The following LMX1A variants were observed in gnomAD, a reference collection of about 807,000 sequenced individuals.
LMX1A encodes LIM homeobox transcription factor 1 alpha.
In LMX1A, 15 loss-of-function variants were observed where a neutral mutation model predicts 49.1. That is an observed-to-expected ratio of 0.31 (90% CI 0.20 to 0.47). The LOEUF (loss-of-function observed/expected upper bound fraction) is 0.47. Ranked by LOEUF, LMX1A falls within the 20% of genes least tolerant of loss-of-function variation. The pLI, the probability that LMX1A is intolerant of heterozygous loss-of-function variation, is 1.00. For missense variants in LMX1A, 372 were observed against 475.8 expected, an observed-to-expected ratio of 0.78 and a Z score of 2.03; for synonymous variants, 167 against 185.7, an observed-to-expected ratio of 0.90 and a Z score of 0.82.
intron 3 of LMX1A, among the ~76,000 whole-genome samples, chr1:165,292,439 T>C (rs927689466): frequency 6.6e-6 from 1 of 151,922 alleles, no homozygotes; most frequent in Non-Finnish European, 1.5e-5. Context: ...CAAAAGGCAG[T>C]GAGGGAAAGA....
chr1:165,252,543 A>G (rs377602647), intron 3 of LMX1A, among the ~76,000 whole-genome samples: 17 of 152,246 alleles, frequency 1.1e-4, no homozygotes, highest in East Asian at 1.9e-4. Context: ...ACTATTTCCA[A>G]AATAAAGAGG....
At chr1:165,317,243 T>C (rs1340536992) in intron 3 of LMX1A, among the ~76,000 whole-genome samples, 4 of 150,620 alleles carry the variant, frequency 2.7e-5, no homozygotes, top group Non-Finnish European at 5.9e-5. Context: ...TTTAAGCCCA[T>C]AGAAATGCAA....
At chr1:165,296,634 T>C (rs1045375098) in intron 3 of LMX1A, among the ~76,000 whole-genome samples, 7 of 152,246 alleles carry the variant, frequency 4.6e-5, no homozygotes, top group Admixed American at 6.5e-5. Flanking sequence ...AAACGGCAGA[T>C]GTCTGGGCCC....
At chr1:165,290,737 C>G (rs973809480) in intron 3 of LMX1A, among the ~76,000 whole-genome samples, 1 of 152,190 alleles carries the variant, frequency 6.6e-6, no homozygotes, top group African/African-American at 2.4e-5. Flanking sequence ...CAGATTTGGA[C>G]AAGACATTAG....
At chr1:165,351,433 A>C (rs1656423603) in intron 3 of LMX1A, among the ~76,000 whole-genome samples, 1 of 152,242 alleles carries the variant, frequency 6.6e-6, no homozygotes, top group South Asian at 2.1e-4. Flanking sequence ...TAAAAATTAC[A>C]CTTTTCACTC....
At chr1:165,285,105 T>C (rs1445123603) in intron 3 of LMX1A, among the ~76,000 whole-genome samples, 1 of 152,214 alleles carries the variant, frequency 6.6e-6, no homozygotes, top group Non-Finnish European at 1.5e-5. Context: ...GTTTCCCTGG[T>C]TTTAAATATT....
intron 4 of LMX1A, among the ~76,000 whole-genome samples, chr1:165,219,358 G>A (rs1318168754): frequency 6.6e-6 from 1 of 152,166 alleles, no homozygotes; most frequent in African/African-American, 2.4e-5. Context: ...AGGCAGGAAT[G>A]GGCCTCAGAT....
rs58236767 is a variant in LMX1A, at chr1:165,217,704, G to A, written c.497-3891C>T. Among the ~76,000 whole-genome samples the A allele has an allele frequency of 9.2e-3, 1,405 of 152,190 alleles. 13 individuals carry two copies. The highest frequency in any genetic ancestry group is 0.031 in the African/African-American group (1,288 of 41,502). ...GTTTCACAGCCCTTGAATACTGTCC[G>A]CATTTGGTTGAAAAAAATCCACATA... On this transcript the variant is annotated intron_variant, in intron 4 of 8. Transcript: ENST00000342310.
intron 7 of LMX1A, chr1:165,207,381 A>C (rs1571144329): frequency 6.6e-6 from 1 of 151,686 alleles, no homozygotes; most frequent in Admixed American, 6.6e-5. Flanking sequence ...CCTAATCCTC[A>C]TATCACCCTG....
chr1:165,217,258 G>A (rs1053093069), intron 4 of LMX1A, among the ~76,000 whole-genome samples: 13 of 152,158 alleles, frequency 8.5e-5, no homozygotes, highest in Non-Finnish European at 1.5e-5. Context: ...TCTGAAGTTT[G>A]TTCAGAGCCC....
intron 3 of LMX1A, among the ~76,000 whole-genome samples, chr1:165,300,912 T>C (rs1271587227): frequency 6.6e-6 from 1 of 152,048 alleles, no homozygotes; most frequent in Non-Finnish European, 1.5e-5. Flanking sequence ...GGAGCTAAAG[T>C]AGAGAAACCC....
chr1:165,293,115 C>CA (rs532576590), intron 3 of LMX1A, among the ~76,000 whole-genome samples: 1,470 of 118,506 alleles, frequency 0.012, 17 homozygotes, highest in South Asian at 0.063. Flanking sequence ...GACTCCATCT[C>CA]AAAAAAAAAA....
chr1:165,220,835 AG>A (rs1651817269), intron 4 of LMX1A, among the ~76,000 whole-genome samples: 1 of 152,242 alleles, frequency 6.6e-6, no homozygotes, highest in Non-Finnish European at 1.5e-5. Flanking sequence ...ACCGTAAAAT[AG>A]GAGACCTGGA....
At chr1:165,267,240 T>C (rs1346785879) in intron 3 of LMX1A, among the ~76,000 whole-genome samples, 1 of 152,226 alleles carries the variant, frequency 6.6e-6, no homozygotes, top group Non-Finnish European at 1.5e-5. Flanking sequence ...TTTATATACA[T>C]ATAATCATAT....
chr1:165,257,368 A>G (rs1653287476), intron 3 of LMX1A, among the ~76,000 whole-genome samples: 1 of 152,064 alleles, frequency 6.6e-6, no homozygotes, highest in African/African-American at 2.4e-5. Flanking sequence ...GGGGGTCACG[A>G]AACAGGCCCA....
chr1:165,316,645 G>A (rs1029330989), intron 3 of LMX1A, among the ~76,000 whole-genome samples: 4 of 152,228 alleles, frequency 2.6e-5, no homozygotes, highest in Non-Finnish European at 5.9e-5. Flanking sequence ...AGCCATAGGA[G>A]AAATCTTTAA....
chr1:165,231,421 G>A (rs997871846), intron 4 of LMX1A, among the ~76,000 whole-genome samples: 4 of 151,914 alleles, frequency 2.6e-5, no homozygotes, highest in African/African-American at 7.3e-5. Context: ...TACAGCCTCA[G>A]CCTCCTGAGT....
rs72318804 is a variant in LMX1A at position 165,249,239 on chromosome 1, AAGAGATTACTCTG to A, written c.496+156_496+168del. Among the ~76,000 whole-genome samples, 37,530 of 151,974 alleles carry A rather than the reference AAGAGATTACTCTG, an allele frequency of 0.25. 5,262 individuals are homozygous for A. Among genetic ancestry groups the A allele is most frequent in the East Asian group, 0.56 (2,861 of 5,132 alleles). On this transcript the variant is annotated intron_variant, in intron 4 of 8. Transcript: ENST00000342310. ...ATTGTCATGGTAATCACTGACTGAT[AAGAGATTACTCTG>A]AGCTTACAAAGAAAGTTCCTGAAAT...
rs545122182 is a variant in LMX1A at position 165,221,423 on chromosome 1, A to G, written c.497-7610T>C. On this transcript the variant is annotated intron_variant, in intron 4 of 8. Coordinates refer to ENST00000342310, the MANE Select transcript of LMX1A (RefSeq NM_177398.4). ...CTCCCCCCAACTATCCTGCCCTGCCACTGCAATCCCCACCAGGGCGAATGC... is the reference window on the plus strand; with the variant it reads ...CTCCCCCCAACTATCCTGCCCTGCCGCTGCAATCCCCACCAGGGCGAATGC... 9.2e-5 allele frequency among the ~76,000 whole-genome samples: 14 copies of G among 151,908 alleles called. No individual in the cohort carries two copies. The South Asian group carries it at 2.7e-3, about 29-fold the overall frequency.
Sources: gnomAD v4.1 joint callset for allele counts (sites outside exome capture counted in the v4.1 genomes callset) on GRCh38, gnomAD v4.1.1 for gene constraint, MANE v1.5 for transcripts, NCBI Gene and HGNC (gene_info 2026-07-23, HGNC 2026-07-21) for gene names.